CSMD1: variants seen among roughly 807,000 people sequenced by gnomAD.
CSMD1 encodes CUB and Sushi multiple domains 1.
CSMD1 carries 213 observed loss-of-function variants against 417.5 expected under a neutral mutation model. The observed-to-expected ratio is 0.51, with a 90% CI of 0.46 to 0.57. CSMD1 has a LOEUF of 0.57. Ranked by LOEUF, CSMD1 falls within the 20% of genes least tolerant of loss-of-function variation. The pLI is 0.00. For synonymous variants in CSMD1, 2,862 were observed against 1,736.8 expected (o/e 1.65, Z -16.11); for missense variants, 6,923 against 4,529.7 (o/e 1.53, Z -15.17).
chr8:3,935,481 T>A (rs760942025), intron 5 of CSMD1, among the ~76,000 whole-genome samples: 1 of 152,214 alleles, frequency 6.6e-6, no homozygotes, highest in Non-Finnish European at 1.5e-5. Context: ...GGTGTCATTA[T>A]TCCAATTGCA....
In CSMD1 at chr8:3,394,010, AATT is replaced by A. The variant is rs1286826386; in HGVS notation, c.2593+2181_2593+2183del. ...TAATAATAATAATAATAAAAAAATA[AATT>A]ATATATATATATATATATATATATA... On this transcript the variant is annotated intron_variant, in intron 17 of 69. Coordinates refer to ENST00000635120, the MANE Select transcript of CSMD1 (RefSeq NM_033225.6). 4.4e-5 allele frequency among the ~76,000 whole-genome samples: 3 copies of A among 68,936 alleles called. No homozygotes were observed. In the East Asian group the frequency reaches 1.3e-3, roughly 31 times the overall value. 45.2% of individuals were successfully genotyped at this position (68,936 alleles called of 152,430 possible).
chr8:3,585,377 G>A (rs116260755), intron 9 of CSMD1, among the ~76,000 whole-genome samples: 2 of 151,884 alleles, frequency 1.3e-5, no homozygotes, highest in African/African-American at 4.8e-5. Context: ...GTCAAACTAG[G>A]GCTTTTTCTC....
At position 3,939,860 on chromosome 8, in the gene CSMD1, G is replaced by C. The variant is rs547675360; in HGVS notation, c.818+58043C>G. ...TAATATAATGGACATTGGGTATTGGGAGAAGGGTAGGAAGCGGGTGAGGGA... is the reference window on the plus strand; with the variant it reads ...TAATATAATGGACATTGGGTATTGGCAGAAGGGTAGGAAGCGGGTGAGGGA... On this transcript the variant is annotated intron_variant, in intron 5 of 69. Transcript: ENST00000635120. 2.6e-4 allele frequency among the ~76,000 whole-genome samples: 39 copies of C among 152,184 alleles called. No individual in the cohort carries two copies. The East Asian group carries it at 6.4e-3, about 25-fold the overall frequency.
chr8:3,252,854 G>A (rs1449374042), intron 26 of CSMD1, among the ~76,000 whole-genome samples: 1 of 152,110 alleles, frequency 6.6e-6, no homozygotes, highest in Non-Finnish European at 1.5e-5. Flanking sequence ...TTGCATAGAG[G>A]TGTTTATAGT....
At chr8:4,488,398 G>C (rs978309306) in intron 2 of CSMD1, among the ~76,000 whole-genome samples, 1 of 151,972 alleles carries the variant, frequency 6.6e-6, no homozygotes, top group East Asian at 1.9e-4. Flanking sequence ...ATAACCTGTG[G>C]GGGGCTTGAT....
intron 5 of CSMD1, among the ~76,000 whole-genome samples, chr8:3,867,045 T>C (rs971533262): frequency 7.2e-5 from 11 of 152,214 alleles, no homozygotes; most frequent in Non-Finnish European, 1.0e-4. Context: ...ACTTGTAGAA[T>C]TGCTATTTAG....
intron 5 of CSMD1, among the ~76,000 whole-genome samples, chr8:3,901,056 G>A (rs1023892946): frequency 6.6e-6 from 1 of 152,078 alleles, no homozygotes; most frequent in African/African-American, 2.4e-5. Flanking sequence ...TTTTAATAAC[G>A]ATTTTGTAGT....
chr8:4,271,314 T>C (rs947154979), intron 3 of CSMD1, among the ~76,000 whole-genome samples: 2 of 152,136 alleles, frequency 1.3e-5, no homozygotes, highest in Non-Finnish European at 2.9e-5. Flanking sequence ...CCACAGAGGT[T>C]GGTGAAATCG....
chr8:4,215,045 C>T (rs1800554678), intron 3 of CSMD1, among the ~76,000 whole-genome samples: 1 of 152,186 alleles, frequency 6.6e-6, no homozygotes, highest in Non-Finnish European at 1.5e-5. Context: ...TTCTTCCAAG[C>T]TGGCTCAGAG....
intron 1 of CSMD1, among the ~76,000 whole-genome samples, chr8:4,852,070 A>G (rs905156435): frequency 6.6e-6 from 1 of 152,176 alleles, no homozygotes; most frequent in Non-Finnish European, 1.5e-5. Flanking sequence ...ACTTCCTTAC[A>G]TCAGATTCCC....
intron 2 of CSMD1, among the ~76,000 whole-genome samples, chr8:4,426,513 TAA>T (rs1193035979): frequency 1.4e-5 from 2 of 147,756 alleles, no homozygotes; most frequent in African/African-American, 2.5e-5. Context: ...ATATATTTTA[TAA>T]AGACTGTAGT....
At chr8:4,105,026 T>A (rs984123733) in intron 3 of CSMD1, among the ~76,000 whole-genome samples, 1 of 152,034 alleles carries the variant, frequency 6.6e-6, no homozygotes, top group Admixed American at 6.6e-5. Context: ...AACTACATTA[T>A]AGAAATGCTA....
chr8:4,202,765 G>C (rs780098988), intron 3 of CSMD1, among the ~76,000 whole-genome samples: 1 of 152,152 alleles, frequency 6.6e-6, no homozygotes, highest in Admixed American at 6.5e-5. Flanking sequence ...GAAAATGATA[G>C]TGATAGAACA....
intron 1 of CSMD1, among the ~76,000 whole-genome samples, chr8:4,715,881 T>C (rs1188060488): frequency 1.3e-5 from 2 of 152,188 alleles, no homozygotes; most frequent in African/African-American, 4.8e-5. Flanking sequence ...AAAGGGTCCT[T>C]GGCTCTGTCC....
At chr8:3,767,894 T>A (rs570163461) in intron 5 of CSMD1, among the ~76,000 whole-genome samples, 1 of 152,284 alleles carries the variant, frequency 6.6e-6, no homozygotes, top group African/African-American at 2.4e-5. Flanking sequence ...TGGTAAAAAG[T>A]TAAAAAGTTT....
intron 1 of CSMD1, among the ~76,000 whole-genome samples, chr8:4,656,528 T>C (rs1046151440): frequency 3.3e-5 from 5 of 152,074 alleles, no homozygotes; most frequent in African/African-American, 9.7e-5. Flanking sequence ...CTGACAACTT[T>C]GGGTTTGTTC....
intron 10 of CSMD1, among the ~76,000 whole-genome samples, chr8:3,518,148 G>A (rs201873482): frequency 4.4e-5 from 5 of 112,726 alleles, no homozygotes; most frequent in South Asian, 5.7e-4. Flanking sequence ...AGAAAAAAAA[G>A]AATGGAAATA....
intron 5 of CSMD1, among the ~76,000 whole-genome samples, chr8:3,762,623 CTT>C (rs1036133809): frequency 9.9e-5 from 15 of 152,196 alleles, no homozygotes; most frequent in African/African-American, 3.6e-4. Context: ...CTAAGCCGCT[CTT>C]GTCTGTGGAA....
intron 1 of CSMD1, among the ~76,000 whole-genome samples, chr8:4,850,950 C>CTT (rs35923749): frequency 7.3e-5 from 11 of 150,104 alleles, no homozygotes; most frequent in East Asian, 3.9e-4. Flanking sequence ...TGTTAATTTC[C>CTT]TTTTTTTAAT....
Sources: gnomAD v4.1 joint callset for allele counts (sites outside exome capture counted in the v4.1 genomes callset) on GRCh38, gnomAD v4.1.1 for gene constraint, MANE v1.5 for transcripts, NCBI Gene and HGNC (gene_info 2026-07-23, HGNC 2026-07-21) for gene names.